POU6F2: variants seen among roughly 807,000 people sequenced by gnomAD.
POU6F2 encodes the protein POU class 6 homeobox 2, also known as POU domain, class 6, transcription factor 2.
POU6F2 carries 31 observed loss-of-function variants against 71.3 expected under a neutral mutation model. That is an observed-to-expected ratio of 0.43 (90% CI 0.33 to 0.59). The LOEUF (loss-of-function observed/expected upper bound fraction) is 0.59. POU6F2 is among the 20% of genes least tolerant of loss of function. The pLI, the probability that POU6F2 is intolerant of heterozygous loss-of-function variation, is 0.04. For missense variants in POU6F2, 783 were observed against 856.8 expected (o/e 0.91, Z 1.07); for synonymous variants, 347 against 355.7 (o/e 0.98, Z 0.27).
chr7:39,425,447 T>A (rs1162616528), intron 6 of POU6F2, among the ~76,000 whole-genome samples: 2 of 152,162 alleles, frequency 1.3e-5, no homozygotes, highest in East Asian at 3.8e-4. Flanking sequence ...CTTCTGACCT[T>A]TTTTTAGATA....
intron 3 of POU6F2, 130 bp from the exon 4 acceptor site, chr7:39,207,262 T>G: frequency 2.3e-5 from 17 of 724,508 alleles, no homozygotes; most frequent in Non-Finnish European, 3.2e-5. Context: ...TTTTTTTTAA[T>G]GAGATAGGGC....
intron 1 of POU6F2, among the ~76,000 whole-genome samples, chr7:39,048,335 G>T (rs1365502931): frequency 1.3e-5 from 2 of 149,306 alleles, no homozygotes; most frequent in Non-Finnish European, 3.0e-5. Flanking sequence ...CTGATAGGTA[G>T]TTTTTTTTTT....
At chr7:39,392,871 G>C (rs1447398703) in intron 5 of POU6F2, among the ~76,000 whole-genome samples, 1 of 152,184 alleles carries the variant, frequency 6.6e-6, no homozygotes, top group Non-Finnish European at 1.5e-5. Flanking sequence ...TTTCTCAATA[G>C]TCACAGGATT....
At chr7:39,041,458 C>T (rs1790192448) in intron 1 of POU6F2, among the ~76,000 whole-genome samples, 1 of 151,882 alleles carries the variant, frequency 6.6e-6, no homozygotes, top group Admixed American at 6.6e-5. Context: ...ATACATCAAC[C>T]AATTCTCCAT....
chr7:39,309,227 T>G lies in POU6F2; in HGVS notation c.599-30415T>G, dbSNP rs183184112. On this transcript the variant is annotated intron_variant, in intron 4 of 9. Transcript: ENST00000518318. ...AGGACTTGGAGAGGGTCCAAGGAAT[T>G]TTCTTTAAGAAGCAACGCCGGAGCC... Among the ~76,000 whole-genome samples the G allele has an allele frequency of 5.1e-4, 77 of 152,330 alleles. No homozygotes were observed. The East Asian group carries it at 0.014, about 28-fold the overall frequency.
At chr7:39,122,037 G>C (rs1204131988) in intron 2 of POU6F2, among the ~76,000 whole-genome samples, 1 of 152,182 alleles carries the variant, frequency 6.6e-6, no homozygotes, top group African/African-American at 2.4e-5. Context: ...GGTGATGATG[G>C]TGACCATTGA....
intron 4 of POU6F2, among the ~76,000 whole-genome samples, chr7:39,215,672 G>T (rs1794225909): frequency 6.6e-6 from 1 of 152,192 alleles, no homozygotes; most frequent in Non-Finnish European, 1.5e-5. Context: ...TACTGGGGGA[G>T]TGAAGTAGAT....
intron 2 of POU6F2, among the ~76,000 whole-genome samples, chr7:39,154,654 G>T (rs762523420): frequency 2.6e-5 from 4 of 152,186 alleles, no homozygotes; most frequent in Non-Finnish European, 5.9e-5. Context: ...AACCCTGAAT[G>T]AAACATGAAT....
intron 2 of POU6F2, among the ~76,000 whole-genome samples, chr7:39,117,748 A>C (rs1444430576): frequency 1.3e-5 from 2 of 152,140 alleles, no homozygotes; most frequent in Non-Finnish European, 1.5e-5. Context: ...GGACTGGTTG[A>C]AAACCTATAA....
At chr7:39,205,090 G>C (rs1263461973) in intron 3 of POU6F2, among the ~76,000 whole-genome samples, 2 of 151,680 alleles carry the variant, frequency 1.3e-5, no homozygotes, top group Non-Finnish European at 2.9e-5. Flanking sequence ...GGTTGGCCTT[G>C]ACATTCTTAT....
At chr7:39,334,336 TGAG>T (rs938035906) in intron 4 of POU6F2, among the ~76,000 whole-genome samples, 2 of 151,966 alleles carry the variant, frequency 1.3e-5, no homozygotes, top group Non-Finnish European at 2.9e-5. Context: ...TAGTAGACAC[TGAG>T]GACTCCAAAA....
intron 4 of POU6F2, among the ~76,000 whole-genome samples, chr7:39,299,305 T>G (rs1784910065): frequency 6.6e-6 from 1 of 152,250 alleles, no homozygotes; most frequent in African/African-American, 2.4e-5. Flanking sequence ...TTTCTTCATC[T>G]TTTTTGAATA....
At chr7:39,055,000 A>G (rs1313947406) in intron 1 of POU6F2, among the ~76,000 whole-genome samples, 1 of 152,070 alleles carries the variant, frequency 6.6e-6, no homozygotes, top group African/African-American at 2.4e-5. Flanking sequence ...GGGGGAGATA[A>G]TTACATGATC....
chr7:39,154,039 G>T (rs911995011), intron 2 of POU6F2, among the ~76,000 whole-genome samples: 3 of 152,196 alleles, frequency 2.0e-5, no homozygotes, highest in African/African-American at 7.2e-5. Context: ...TTTAAAAATG[G>T]AAGATGATTT....
At chr7:39,419,482 C>T (rs982882711) in intron 6 of POU6F2, among the ~76,000 whole-genome samples, 5 of 151,978 alleles carry the variant, frequency 3.3e-5, no homozygotes, top group African/African-American at 9.7e-5. Context: ...TCAAGTGATC[C>T]GCCCACCTCA....
chr7:39,087,819 G>A (rs1370385680), intron 2 of POU6F2, among the ~76,000 whole-genome samples: 13 of 152,066 alleles, frequency 8.5e-5, no homozygotes, highest in African/African-American at 2.9e-4. Flanking sequence ...CCAAAAGAGG[G>A]GTGATTGATT....
chr7:39,237,303 A>G (rs536828986), intron 4 of POU6F2, among the ~76,000 whole-genome samples: 5 of 152,228 alleles, frequency 3.3e-5, no homozygotes, highest in South Asian at 2.1e-4. Flanking sequence ...CTTTTCCTCT[A>G]TTGATTTCTG....
intron 5 of POU6F2, among the ~76,000 whole-genome samples, chr7:39,347,953 T>C (rs1385584211): frequency 7.0e-6 from 1 of 143,498 alleles, no homozygotes; most frequent in African/African-American, 2.5e-5. Context: ...TTATTAAGAA[T>C]GAAGAATTTT....
intron 4 of POU6F2, among the ~76,000 whole-genome samples, chr7:39,332,723 A>G (rs555560171): frequency 2.0e-5 from 3 of 152,020 alleles, no homozygotes; most frequent in Non-Finnish European, 4.4e-5. Context: ...ATCTTTTTGG[A>G]TTTTAAAAGA....
Sources: allele counts gnomAD v4.1 joint callset (sites outside exome capture counted in the v4.1 genomes callset), GRCh38; gene constraint gnomAD v4.1.1; transcripts MANE v1.5; gene names NCBI Gene and HGNC (gene_info 2026-07-23, HGNC 2026-07-21).